SIPA1L3: variants seen among roughly 807,000 people sequenced by gnomAD.
SIPA1L3 encodes the protein signal-induced proliferation-associated 1-like protein 3.
Under a neutral mutation model 150.1 loss-of-function variants are expected in SIPA1L3, and 59 were observed. The ratio of observed to expected loss-of-function variants is 0.39; its 90% CI spans 0.32 to 0.49. The LOEUF (loss-of-function observed/expected upper bound fraction) is 0.49, where lower values mean the gene tolerates loss of function less well. Ranked by LOEUF, SIPA1L3 falls within the 20% of genes least tolerant of loss-of-function variation. The pLI, the probability that SIPA1L3 is intolerant of heterozygous loss-of-function variation, is 0.86. For synonymous variants in SIPA1L3, 1,070 were observed against 1,077.6 expected (o/e 0.99, Z 0.14); for missense variants, 2,211 against 2,489.5 (o/e 0.89, Z 2.38).
chr19:38,041,273 A>ATTTT (rs35807588), intron 2 of SIPA1L3, among the ~76,000 whole-genome samples: 15 of 72,494 alleles, frequency 2.1e-4, no homozygotes, highest in East Asian at 8.2e-4. Flanking sequence ...CGCTCAGCTA[A>ATTTT]TTTTTTTTTT....
chr19:38,199,159 T>C (rs371947988), intron 19 of SIPA1L3, among the ~76,000 whole-genome samples: 2 of 151,756 alleles, frequency 1.3e-5, no homozygotes, highest in Admixed American at 1.3e-4. Flanking sequence ...GGGTTTGCTC[T>C]GCCACCCAGG....
intron 2 of SIPA1L3, among the ~76,000 whole-genome samples, chr19:38,045,496 C>G (rs966618731): frequency 4.1e-5 from 6 of 147,692 alleles, no homozygotes; most frequent in Non-Finnish European, 7.5e-5. Context: ...CGCTTGAGCC[C>G]GGGGGGTCGA....
intron 21 of SIPA1L3, 27 bp downstream of exon 21, chr19:38,204,235 A>AT (rs757697285): frequency 1.3e-6 from 2 of 1,543,292 alleles, no homozygotes; most frequent in Non-Finnish European, 1.8e-6. Flanking sequence ...CGCCCTCTCC[A>AT]TCCCACTTCC....
chr19:38,028,591 C>G (rs1968569403), intron 1 of SIPA1L3, among the ~76,000 whole-genome samples: 1 of 152,176 alleles, frequency 6.6e-6, no homozygotes, highest in African/African-American at 2.4e-5. Context: ...TATTGTCCTC[C>G]TCCCCTACTA....
At chr19:37,955,852 G>A (rs2046806051) in intron 1 of SIPA1L3, among the ~76,000 whole-genome samples, 1 of 152,160 alleles carries the variant, frequency 6.6e-6, no homozygotes, top group African/African-American at 2.4e-5. Context: ...TATGAGTAGT[G>A]CTGTTATAGA....
chr19:38,055,072 T>A (rs1969286393), intron 2 of SIPA1L3, among the ~76,000 whole-genome samples: 1 of 152,210 alleles, frequency 6.6e-6, no homozygotes, highest in Non-Finnish European at 1.5e-5. Context: ...TCTAGCCTTG[T>A]CGCTTCCTAA....
intron 15 of SIPA1L3, among the ~76,000 whole-genome samples, chr19:38,171,082 C>G (rs925263810): frequency 1.3e-5 from 2 of 151,428 alleles, no homozygotes; most frequent in African/African-American, 2.4e-5. Flanking sequence ...ATTTCTCATT[C>G]AGAAGAATGT....
At chr19:38,000,914 TATATATAAC>T (rs1200336963) in intron 1 of SIPA1L3, among the ~76,000 whole-genome samples, 581 of 123,870 alleles carry the variant, frequency 4.7e-3, no homozygotes, top group Non-Finnish European at 7.5e-3. Flanking sequence ...ATATATAACA[TATATATAAC>T]ATATATATAA....
At chr19:38,037,056 T>G (rs995458148) in intron 2 of SIPA1L3, among the ~76,000 whole-genome samples, 2 of 152,232 alleles carry the variant, frequency 1.3e-5, no homozygotes, top group African/African-American at 2.4e-5. Flanking sequence ...GTGGGGTATT[T>G]ATGCAGCACC....
rs60443950 is a variant in SIPA1L3, at chr19:38,063,924, C to T, written c.-310-17332C>T. On this transcript the variant is annotated intron_variant, in intron 2 of 21. Transcript: ENST00000222345. Reference sequence around the variant, plus strand: ...AGCCGGGGAGATCCCTGCAGGGCAGCCTGGAGCCCTGATGATGCCCCCAGT... The same window carrying T: ...AGCCGGGGAGATCCCTGCAGGGCAGTCTGGAGCCCTGATGATGCCCCCAGT... Among the ~76,000 whole-genome samples the T allele has an allele frequency of 4.3e-4, 65 of 152,360 alleles. No homozygotes were observed. In the East Asian group the frequency reaches 0.012, roughly 27 times the overall value.
chr19:38,056,214 T>G (rs1568524059), intron 2 of SIPA1L3, among the ~76,000 whole-genome samples: 1 of 152,246 alleles, frequency 6.6e-6, no homozygotes, highest in Non-Finnish European at 1.5e-5. Context: ...ACCACCCTCC[T>G]TCTGGGCTAG....
At chr19:38,001,198 A>G (rs1411995776) in intron 1 of SIPA1L3, among the ~76,000 whole-genome samples, 2 of 151,826 alleles carry the variant, frequency 1.3e-5, no homozygotes, top group African/African-American at 4.8e-5. Flanking sequence ...TTAATGTTTG[A>G]GTGTCCAGAG....
chr19:38,133,535 A>G (rs894984726), intron 10 of SIPA1L3, among the ~76,000 whole-genome samples: 2 of 152,138 alleles, frequency 1.3e-5, no homozygotes, highest in African/African-American at 4.8e-5. Context: ...AGCTCTGGAA[A>G]CAGTGCACAG....
At chr19:38,107,689 G>A (rs1431772258) in intron 7 of SIPA1L3, among the ~76,000 whole-genome samples, 1 of 152,152 alleles carries the variant, frequency 6.6e-6, no homozygotes, top group African/African-American at 2.4e-5. Context: ...AAGAGCTTTG[G>A]TCTTAGGCCA....
intron 13 of SIPA1L3, among the ~76,000 whole-genome samples, chr19:38,160,091 A>G (rs1972045103): frequency 6.6e-6 from 1 of 152,032 alleles, no homozygotes. Flanking sequence ...GGCTCACTGC[A>G]GCCTCCACCT....
At chr19:38,127,725 C>T (rs1029777845) in intron 9 of SIPA1L3, among the ~76,000 whole-genome samples, 2 of 152,126 alleles carry the variant, frequency 1.3e-5, no homozygotes, top group Non-Finnish European at 2.9e-5. Flanking sequence ...TCTTGAACTC[C>T]TGGGCTCAAG....
chr19:38,168,782 G>T (rs371483956), intron 15 of SIPA1L3, among the ~76,000 whole-genome samples: 7 of 152,234 alleles, frequency 4.6e-5, no homozygotes, highest in Admixed American at 4.6e-4. Flanking sequence ...GCCCGCTGCA[G>T]AAGAGGGCCC....
At chr19:38,018,057 A>G (rs914574284) in intron 1 of SIPA1L3, among the ~76,000 whole-genome samples, 2 of 146,330 alleles carry the variant, frequency 1.4e-5, no homozygotes, top group African/African-American at 2.5e-5. Flanking sequence ...GAACAGACTC[A>G]TGTATCCTTC....
chr19:38,177,560 CTTT>C (rs896892457), intron 15 of SIPA1L3, among the ~76,000 whole-genome samples: 1 of 152,072 alleles, frequency 6.6e-6, no homozygotes, highest in African/African-American at 2.4e-5. Context: ...TACTTTATTT[CTTT>C]TTTTCTCTAT....
Sources: gnomAD v4.1 joint callset for allele counts (sites outside exome capture counted in the v4.1 genomes callset) on GRCh38, gnomAD v4.1.1 for gene constraint, MANE v1.5 for transcripts, NCBI Gene and HGNC (gene_info 2026-07-23, HGNC 2026-07-21) for gene names.